The following KLHL29 variants were observed in gnomAD, a reference collection of about 807,000 sequenced individuals.
The protein encoded by KLHL29 is kelch-like protein 29.
A neutral mutation model predicts 80.4 loss-of-function variants in KLHL29; 21 were observed. The observed-to-expected ratio is 0.26, with a 90% CI of 0.19 to 0.38. The LOEUF (loss-of-function observed/expected upper bound fraction) is 0.38, where lower values mean the gene tolerates loss of function less well. Among genes scored for constraint, KLHL29 ranks in the 10% least tolerant of loss-of-function variants. The probability of loss-of-function intolerance (pLI) is 1.00; values close to 1 mark genes in which losing one functional copy is unlikely to be tolerated. For synonymous variants in KLHL29, 511 were observed against 526.8 expected, an observed-to-expected ratio of 0.97 and a Z score of 0.41; for missense variants, 867 against 1,223.9, an observed-to-expected ratio of 0.71 and a Z score of 4.35.
In KLHL29 at chr2:23,577,314, G is replaced by A. The variant is rs537488067; in HGVS notation, c.285+14833G>A. Among the ~76,000 whole-genome samples, 6 of 152,236 alleles carry A rather than the reference G, an allele frequency of 3.9e-5. No homozygotes were observed. In the East Asian group the frequency reaches 1.2e-3, roughly 29 times the overall value. ...AAAAATACACGAAATAGCCGGGCAT[G>A]GTGGTATGAGTCTTTAATCTCAGCT... is the stretch of plus-strand genomic sequence containing the variant. On this transcript the variant is annotated intron_variant, in intron 3 of 13. Transcript: ENST00000486442.
intron 3 of KLHL29, among the ~76,000 whole-genome samples, chr2:23,590,948 G>T (rs569620204): frequency 6.6e-6 from 1 of 152,330 alleles, no homozygotes; most frequent in Admixed American, 6.5e-5. Context: ...GAGCTCACAT[G>T]CTAATGGGTG....
chr2:23,699,285 T>G (rs1185121238), intron 11 of KLHL29, among the ~76,000 whole-genome samples: 1 of 152,164 alleles, frequency 6.6e-6, no homozygotes, highest in Non-Finnish European at 1.5e-5. Flanking sequence ...AGGAAAGATG[T>G]GCTGGGGACA....
intron 2 of KLHL29, among the ~76,000 whole-genome samples, chr2:23,475,927 TGGAG>T (rs1341719592): frequency 6.6e-6 from 1 of 152,252 alleles, no homozygotes; most frequent in African/African-American, 2.4e-5. Context: ...CAGCCCAGGC[TGGAG>T]CGCAGTGGCG....
chr2:23,590,083 C>A (rs1572421209), intron 3 of KLHL29, among the ~76,000 whole-genome samples: 1 of 152,244 alleles, frequency 6.6e-6, no homozygotes, highest in Admixed American at 6.5e-5. Flanking sequence ...ACTTTACAGA[C>A]AAAAGCAGAG....
At chr2:23,470,205 T>C (rs1664461778) in intron 1 of KLHL29, among the ~76,000 whole-genome samples, 2 of 152,134 alleles carry the variant, frequency 1.3e-5, no homozygotes, top group Admixed American at 6.5e-5. Context: ...GATGGGCCCT[T>C]TGGTGCTGTG....
chr2:23,393,245 G>A (rs1181700744), intron 1 of KLHL29, among the ~76,000 whole-genome samples: 4 of 152,212 alleles, frequency 2.6e-5, no homozygotes, highest in East Asian at 1.9e-4. Context: ...TTTTCACTCC[G>A]TGGCTGTGTA....
chr2:23,552,206 A>G (rs1667148430), intron 2 of KLHL29, among the ~76,000 whole-genome samples: 2 of 152,012 alleles, frequency 1.3e-5, no homozygotes, highest in South Asian at 4.2e-4. Flanking sequence ...TGAGACCAGC[A>G]CCTCCCGTTT....
At chr2:23,392,828 G>C (rs1666351801) in intron 1 of KLHL29, among the ~76,000 whole-genome samples, 1 of 152,182 alleles carries the variant, frequency 6.6e-6, no homozygotes, top group Admixed American at 6.5e-5. Context: ...ACCAGGTACT[G>C]TGTTGTCTAT....
intron 5 of KLHL29, among the ~76,000 whole-genome samples, chr2:23,649,637 C>T (rs986219180): frequency 2.0e-5 from 3 of 152,248 alleles, no homozygotes; most frequent in African/African-American, 7.2e-5. Context: ...GGGCCTTCAG[C>T]CCCAAATCTC....
intron 1 of KLHL29, among the ~76,000 whole-genome samples, chr2:23,421,975 G>A (rs896230029): frequency 3.1e-5 from 4 of 129,026 alleles, no homozygotes; most frequent in Non-Finnish European, 6.3e-5. Context: ...CATATGTTGT[G>A]TGTGTGTTCA....
At chr2:23,662,622 A>G (rs1670443100) in intron 5 of KLHL29, among the ~76,000 whole-genome samples, 1 of 151,894 alleles carries the variant, frequency 6.6e-6, no homozygotes, top group Admixed American at 6.6e-5. Flanking sequence ...ACCTGAGGAG[A>G]GAGCCCTGCC....
chr2:23,549,593 G>C (rs1667069650), intron 2 of KLHL29, among the ~76,000 whole-genome samples: 1 of 152,216 alleles, frequency 6.6e-6, no homozygotes, highest in African/African-American at 2.4e-5. Flanking sequence ...GTTGGAGACA[G>C]CCTGGTACTG....
intron 3 of KLHL29, among the ~76,000 whole-genome samples, chr2:23,573,900 T>C (rs1667779270): frequency 6.6e-6 from 1 of 152,138 alleles, no homozygotes; most frequent in African/African-American, 2.4e-5. Flanking sequence ...CAGCCCCCGC[T>C]TTCAGAGGTG....
intron 7 of KLHL29, among the ~76,000 whole-genome samples, chr2:23,693,040 G>A (rs967321699): frequency 3.3e-5 from 5 of 152,238 alleles, no homozygotes; most frequent in East Asian, 3.9e-4. Flanking sequence ...GGACCTGTGC[G>A]CACAGAGGGA....
intron 2 of KLHL29, among the ~76,000 whole-genome samples, chr2:23,559,516 G>C (rs1653717): frequency 0.084 from 12,717 of 152,078 alleles, 1,120 homozygotes; most frequent in African/African-American, 0.22. Flanking sequence ...AGATGGAGAA[G>C]GGGGTAGATT....
chr2:23,555,802 C>T (rs749831236), intron 2 of KLHL29, among the ~76,000 whole-genome samples: 61 of 152,316 alleles, frequency 4.0e-4, no homozygotes, highest in South Asian at 6.2e-4. Context: ...CACACCCCAG[C>T]GCTGGCCTCT....
Position 23,703,833 on chromosome 2 carries a change from C to T in KLHL29, c.2414C>T (p.Pro805Leu). Residue 805 changes from proline to leucine, a missense_variant, in exon 13 of 14, where the codon CCA (proline) becomes CTA (leucine). Transcript: ENST00000486442. ...DPEKGNIKAG[P>L]NMNHSRQFCS... ...GAGAAAGGAAACATTAAGGCGGGCC[C>T]AAACATGAACCACTCTCGCCAGTTC... is the stretch of plus-strand genomic sequence containing the variant. 1 of 1,537,470 alleles carries T rather than the reference C, an allele frequency of 6.5e-7. No individual in the cohort carries two copies.
intron 5 of KLHL29, chr2:23,672,843 A>G (rs1181350304): frequency 2.0e-5 from 3 of 152,522 alleles, no homozygotes; most frequent in Non-Finnish European, 2.9e-5. Context: ...AAGGGCTGGA[A>G]TGGCAGGGGG....
At chr2:23,489,503 C>T (rs981064442) in intron 2 of KLHL29, among the ~76,000 whole-genome samples, 4 of 152,092 alleles carry the variant, frequency 2.6e-5, no homozygotes, top group Non-Finnish European at 5.9e-5. Context: ...CAGCTGCCTC[C>T]GAAAGCAGGG....
Sources: allele counts gnomAD v4.1 joint callset (sites outside exome capture counted in the v4.1 genomes callset), GRCh38; gene constraint gnomAD v4.1.1; transcripts MANE v1.5; gene names NCBI Gene and HGNC (gene_info 2026-07-23, HGNC 2026-07-21).